The following CSPP1 variants were observed in gnomAD, a reference collection of about 807,000 sequenced individuals.
CSPP1 encodes centrosome and spindle pole-associated protein 1.
In CSPP1, 126 loss-of-function variants were observed where a neutral mutation model predicts 164.4. That is an observed-to-expected ratio of 0.77 (90% CI 0.66 to 0.89). The LOEUF is 0.89. Ranked by LOEUF, CSPP1 falls within the 40% of genes least tolerant of loss-of-function variation. The pLI is 0.00. For synonymous variants in CSPP1, 472 were observed against 476.7 expected, an observed-to-expected ratio of 0.99 and a Z score of 0.13; for missense variants, 1,395 against 1,449.8, an observed-to-expected ratio of 0.96 and a Z score of 0.61.
In CSPP1 at chr8:67,154,056, C is replaced by A; in HGVS notation, c.2161C>A (p.Arg721=). Residue 721 remains arginine (R), a synonymous_variant, in exon 19 of 31, where the codon CGG becomes AGG. Coordinates refer to ENST00000678616, the MANE Select transcript of CSPP1 (RefSeq NM_001382391.1). Reference sequence around the variant, plus strand: ...GCAAACACAGAGCTCTCCTTTTGCTCGGGGAAATGTATTTGGTGAGCCTCC... The same window carrying A: ...GCAAACACAGAGCTCTCCTTTTGCTAGGGGAAATGTATTTGGTGAGCCTCC... The part of the protein sequence containing the change: ...HMQTQSSPFA[R]GNVFGEPPTE... The A allele has an allele frequency of 6.2e-7, 1 of 1,604,206 alleles. No homozygotes were observed. The highest frequency in any genetic ancestry group is 8.5e-7 in the Non-Finnish European group (1 of 1,172,380).
chr8:67,116,429 T>C (rs373651669), intron 13 of CSPP1, among the ~76,000 whole-genome samples: 5 of 152,316 alleles, frequency 3.3e-5, no homozygotes, highest in South Asian at 4.1e-4. Flanking sequence ...CATATAAAAG[T>C]TGTACATTTT....
At chr8:67,180,036 A>AG in intron 28 of CSPP1, 110 bp downstream of exon 28, 1 of 549,548 alleles carries the variant, frequency 1.8e-6, no homozygotes, top group Non-Finnish European at 3.1e-6. Flanking sequence ...AAAAAAAAAA[A>AG]GGAATATTCT....
intron 9 of CSPP1, among the ~76,000 whole-genome samples, chr8:67,106,195 C>T (rs1815492837): frequency 6.6e-6 from 1 of 151,980 alleles, no homozygotes; most frequent in Non-Finnish European, 1.5e-5. Flanking sequence ...CTTATTTTTA[C>T]TCATGATGTT....
chr8:67,193,526 T>C lies in CSPP1; in HGVS notation c.3393T>C (p.Asn1131=), dbSNP rs577867377. ...GLSLKSISSV[N]VDELRVRNEE... Reference sequence around the variant, plus strand: ...CTCTAAAATCTATATCCAGTGTAAATGTTGATGAGCTTAGAGTGAGAAATG... The same window carrying C: ...CTCTAAAATCTATATCCAGTGTAAACGTTGATGAGCTTAGAGTGAGAAATG... Residue 1131 remains asparagine (N), a synonymous_variant, in exon 30 of 31, where the codon AAT becomes AAC. Coordinates refer to ENST00000678616, the MANE Select transcript of CSPP1 (RefSeq NM_001382391.1). The C allele has an allele frequency of 1.9e-6, 3 of 1,612,982 alleles. No individual in the cohort carries two copies. The highest frequency in any genetic ancestry group is 2.2e-5 in the South Asian group (2 of 91,062).
intron 21 of CSPP1, among the ~76,000 whole-genome samples, chr8:67,159,856 CTT>C (rs1827502578): frequency 0.019 from 393 of 21,086 alleles, 21 homozygotes; most frequent in Admixed American, 0.024. Context: ...CTTTCTTTTT[CTT>C]TCTTTCTTTC....
chr8:67,175,489 A>T, intron 26 of CSPP1, 53 bp downstream of exon 26: 1 of 1,599,082 alleles, frequency 6.3e-7, no homozygotes, highest in South Asian at 1.1e-5. Context: ...GTTTTTCCGT[A>T]GGCTTTCTGC....
intron 7 of CSPP1, 57 bp from the exon 8 acceptor site, chr8:67,102,978 CTG>C (rs910874453): frequency 2.4e-5 from 23 of 942,496 alleles, no homozygotes; most frequent in African/African-American, 2.1e-4. Context: ...AAACACCAAA[CTG>C]TTATAAGAAG....
At chr8:67,065,994 A>G (rs1805471888) in intron 1 of CSPP1, among the ~76,000 whole-genome samples, 2 of 152,216 alleles carry the variant, frequency 1.3e-5, no homozygotes, top group Admixed American at 6.5e-5. Context: ...TCCTTTTAAC[A>G]TCATTCTGAC....
chr8:67,069,387 ATGT>A (rs1476624000), intron 1 of CSPP1, among the ~76,000 whole-genome samples: 9 of 152,198 alleles, frequency 5.9e-5, no homozygotes, highest in Non-Finnish European at 4.4e-5. Context: ...GTTTAAAAGT[ATGT>A]TTTATTTGTA....
intron 6 of CSPP1, among the ~76,000 whole-genome samples, chr8:67,094,432 C>A (rs1359447303): frequency 6.6e-6 from 1 of 151,780 alleles, no homozygotes; most frequent in East Asian, 2.0e-4. Flanking sequence ...TGCCACCACG[C>A]CTGGCTAATT....
intron 8 of CSPP1, among the ~76,000 whole-genome samples, chr8:67,103,570 G>A (rs1358921944): frequency 6.6e-6 from 1 of 151,668 alleles, no homozygotes; most frequent in Non-Finnish European, 1.5e-5. Context: ...CGATGCAGGC[G>A]GATCACTTGA....
chr8:67,149,623 TA>T (rs1825302922), intron 17 of CSPP1, among the ~76,000 whole-genome samples, 159 bp from the exon 18 acceptor site: 2 of 152,242 alleles, frequency 1.3e-5, no homozygotes, highest in Admixed American at 1.3e-4. Context: ...AAAGTTTTGA[TA>T]ATTTTGTTTC....
At chr8:67,070,444 C>CA (rs1335490435) in intron 1 of CSPP1, among the ~76,000 whole-genome samples, 1 of 139,364 alleles carries the variant, frequency 7.2e-6, no homozygotes, top group African/African-American at 2.8e-5. Flanking sequence ...GCCTAGGTGA[C>CA]AGAGCGAGAC....
intron 24 of CSPP1, among the ~76,000 whole-genome samples, chr8:67,170,444 G>A (rs112312023): frequency 0.018 from 2,771 of 151,964 alleles, 90 homozygotes; most frequent in African/African-American, 0.064. Context: ...CAACAGAGCA[G>A]GACTCTTTCA....
At chr8:67,186,429 A>G (rs987013865) in intron 28 of CSPP1, among the ~76,000 whole-genome samples, 2 of 152,126 alleles carry the variant, frequency 1.3e-5, no homozygotes, top group African/African-American at 2.4e-5. Context: ...AAAAAAAAAA[A>G]AAAAAAGTCC....
chr8:67,118,770 C>G lies in CSPP1; in HGVS notation c.1646C>G (p.Pro549Arg), dbSNP rs762197177. Reference protein sequence around the residue: ...YYGSGMMGVQPAAYVSAPVTH... With the variant: ...YYGSGMMGVQRAAYVSAPVTH... ...GGTTCAGGAATGATGGGCGTACAGC[C>G]TGCAGCTTATGTTAGTGCTCCTGTC... The change falls in exon 15 of 31, where the codon CCT (proline) becomes CGT (arginine). Residue 549 changes from proline (P) to arginine (R), a missense_variant. Physicochemically the swap from Pro to Arg is moderately radical, Grantham distance 103. Coordinates refer to ENST00000678616, the MANE Select transcript of CSPP1 (RefSeq NM_001382391.1). The G allele has an allele frequency of 6.2e-7, 1 of 1,612,574 alleles. No homozygotes were observed. Among genetic ancestry groups the G allele is most frequent in the South Asian group, 1.1e-5 (1 of 90,980 alleles).
chr8:67,175,899 A>G (rs973883683), intron 26 of CSPP1, among the ~76,000 whole-genome samples: 5 of 152,342 alleles, frequency 3.3e-5, no homozygotes, highest in Admixed American at 2.6e-4. Flanking sequence ...TTTTCGTATA[A>G]TCAACTAACT....
chr8:67,151,615 T>C lies in CSPP1; in HGVS notation c.2128+1680T>C, dbSNP rs149099187. Among the ~76,000 whole-genome samples the C allele has an allele frequency of 1.5e-3, 233 of 152,308 alleles. 1 individual carries two copies. The highest frequency in any genetic ancestry group is 5.3e-3 in the African/African-American group (219 of 41,576). ...CTTCCCAAAAGCATAAGCCTGATGA[T>C]TAAACATGCACAGCAAAATTTGTTG... On this transcript the variant is annotated intron_variant, in intron 18 of 30. Coordinates refer to ENST00000678616, the MANE Select transcript of CSPP1 (RefSeq NM_001382391.1).
chr8:67,153,983 C>T (rs2129559013), intron 18 of CSPP1, 41 bp from the exon 19 acceptor site: 1 of 835,530 alleles, frequency 1.2e-6, no homozygotes, highest in Non-Finnish European at 2.0e-6. Context: ...ATTTTCTAAG[C>T]ATTGGCTAAT....
Sources: gnomAD v4.1 joint callset for allele counts (sites outside exome capture counted in the v4.1 genomes callset) on GRCh38, gnomAD v4.1.1 for gene constraint, MANE v1.5 for transcripts, NCBI Gene and HGNC (gene_info 2026-07-23, HGNC 2026-07-21) for gene names.